PLCB4: variants seen among roughly 807,000 people sequenced by gnomAD.
PLCB4 encodes 1-phosphatidylinositol 4,5-bisphosphate phosphodiesterase beta-4.
PLCB4 carries 77 observed loss-of-function variants against 178.8 expected under a neutral mutation model. The ratio of observed to expected loss-of-function variants is 0.43; its 90% confidence interval spans 0.36 to 0.52. The LOEUF is 0.52. Ranked by LOEUF, PLCB4 falls within the 20% of genes least tolerant of loss-of-function variation. The pLI is 0.00. For synonymous variants in PLCB4, 496 were observed against 490.8 expected (o/e 1.01, Z -0.14); for missense variants, 1,024 against 1,453.4 (o/e 0.70, Z 4.80).
At chr20:9,369,867 C>A (rs1006119132) in intron 9 of PLCB4, among the ~76,000 whole-genome samples, 9 of 152,212 alleles carry the variant, frequency 5.9e-5, no homozygotes, top group African/African-American at 2.2e-4. Flanking sequence ...AAAAATCCTT[C>A]TGTGCTCACA....
intron 1 of PLCB4, among the ~76,000 whole-genome samples, chr20:9,071,437 G>A (rs1438586595): frequency 6.6e-6 from 1 of 152,084 alleles, no homozygotes; most frequent in East Asian, 1.9e-4. Context: ...CACCCTCTAA[G>A]TAAAATTGAG....
intron 7 of PLCB4, among the ~76,000 whole-genome samples, chr20:9,340,612 A>T (rs191025032): frequency 6.6e-6 from 1 of 152,252 alleles, no homozygotes; most frequent in East Asian, 1.9e-4. Context: ...CTCTTCTGAG[A>T]TCAACTCCTT....
chr20:9,408,549 G>A (rs2039622965), intron 22 of PLCB4, 84 bp from the exon 23 acceptor site: 1 of 660,658 alleles, frequency 1.5e-6, no homozygotes, highest in Non-Finnish European at 2.8e-6. Flanking sequence ...ATGATTCAGG[G>A]TGTAATTGCA....
intron 15 of PLCB4, among the ~76,000 whole-genome samples, chr20:9,389,612 A>G (rs928104244): frequency 1.3e-5 from 2 of 152,234 alleles, no homozygotes; most frequent in Non-Finnish European, 2.9e-5. Context: ...CTGGCATGCC[A>G]TTTAGGTGAA....
intron 14 of PLCB4, among the ~76,000 whole-genome samples, chr20:9,386,334 G>A (rs2037662856): frequency 6.6e-6 from 1 of 152,166 alleles, no homozygotes. Flanking sequence ...TTAGTTCTCT[G>A]AGAGTAGAAA....
intron 33 of PLCB4, among the ~76,000 whole-genome samples, chr20:9,457,123 A>G (rs2043104169): frequency 6.6e-6 from 1 of 152,218 alleles, no homozygotes; most frequent in Non-Finnish European, 1.5e-5. Context: ...AGTGAAAAAT[A>G]GCTTGAGAAA....
In PLCB4 at chr20:9,474,542, G is replaced by GCC. The variant is rs141348270; in HGVS notation, c.3495+1178_3495+1179dup. On this transcript the variant is annotated intron_variant, in intron 38 of 39. Transcript: ENST00000378473. ...AGGTTTTGATGAAATATGTACTTGT[G>GCC]CCACATTATTCCTTCCTGTTTTCTC... 9.5e-3 allele frequency among the ~76,000 whole-genome samples: 1,452 copies of GCC among 152,180 alleles called. 8 individuals carry two copies. The highest frequency in any genetic ancestry group is 0.016 in the Non-Finnish European group (1,059 of 68,004).
intron 30 of PLCB4, among the ~76,000 whole-genome samples, chr20:9,443,369 T>C (rs986097391): frequency 1.3e-5 from 2 of 152,210 alleles, no homozygotes; most frequent in Admixed American, 1.3e-4. Context: ...GGATAATAGA[T>C]ACTTTTGTGC....
intron 20 of PLCB4, among the ~76,000 whole-genome samples, chr20:9,402,997 T>G (rs2039153305): frequency 6.6e-6 from 1 of 152,216 alleles, no homozygotes. Flanking sequence ...TCTGTGTACC[T>G]TAGTTTCCTC....
chr20:9,345,724 G>T (rs2033729992), intron 7 of PLCB4, among the ~76,000 whole-genome samples: 1 of 152,244 alleles, frequency 6.6e-6, no homozygotes, highest in South Asian at 2.1e-4. Flanking sequence ...CATAAATTAT[G>T]CCTTGTAATC....
Position 9,401,586 on chromosome 20 carries a change from A to G in PLCB4, c.1607A>G (p.Lys536Arg), listed in dbSNP as rs1387215551. Residue 536 changes from lysine to arginine, a missense_variant, in exon 20 of 40, where the codon AAG (lysine) becomes AGG (arginine). Lys to Arg is a conservative substitution (Grantham distance 26). Coordinates refer to ENST00000378473, the MANE Select transcript of PLCB4 (RefSeq NM_001377142.1). ...AAGGAAGCTGTTGCAAATAGCGTCA[A>G]GAAGGTCAGAGTCCCCTTTCTTTCA... Reference protein sequence around the residue: ...GHKEAVANSVKKASDDLEHEN... With the variant: ...GHKEAVANSVRKASDDLEHEN... 13 of 1,598,356 alleles carry G rather than the reference A, an allele frequency of 8.1e-6. No homozygotes were observed. The Middle Eastern group carries it at 5.0e-4, about 61-fold the overall frequency.
chr20:9,245,273 T>G (rs978483288), intron 3 of PLCB4, among the ~76,000 whole-genome samples: 2 of 151,968 alleles, frequency 1.3e-5, no homozygotes, highest in Non-Finnish European at 2.9e-5. Context: ...TTTTGGGGAG[T>G]GAGGAAATAG....
At chr20:9,373,737 A>G (rs1229721732) in intron 12 of PLCB4, among the ~76,000 whole-genome samples, 1 of 151,562 alleles carries the variant, frequency 6.6e-6, no homozygotes, top group Non-Finnish European at 1.5e-5. Flanking sequence ...CTTAACAACC[A>G]AAACTGATAG....
intron 3 of PLCB4, among the ~76,000 whole-genome samples, chr20:9,267,788 A>T (rs943980838): frequency 2.0e-5 from 3 of 152,164 alleles, no homozygotes; most frequent in African/African-American, 7.2e-5. Flanking sequence ...TGCTTGATTC[A>T]TGATGGCCCT....
At chr20:9,426,374 CTGTT>C (rs1380041719) in intron 28 of PLCB4, among the ~76,000 whole-genome samples, 3 of 151,750 alleles carry the variant, frequency 2.0e-5, no homozygotes, top group African/African-American at 7.3e-5. Context: ...TCTTTTTTTC[CTGTT>C]TGTTTATTTA....
Position 9,453,338 on chromosome 20 carries a change from C to T in PLCB4, c.2881-9C>T, listed in dbSNP as rs757438180. 24 of 1,554,694 alleles carry T rather than the reference C, an allele frequency of 1.5e-5. No homozygotes were observed. The South Asian group carries it at 2.7e-4, about 17-fold the overall frequency. On this transcript the variant is annotated splice_polypyrimidine_tract_variant and intron_variant, in intron 32 of 39. Coordinates refer to ENST00000378473, the MANE Select transcript of PLCB4 (RefSeq NM_001377142.1). ...GTCCAATTCATAACTGCAAATCCTT[C>T]TTGTTCAGGAACACAGTACCATGCA...
At chr20:9,103,352 A>G (rs2091248862) in intron 2 of PLCB4, among the ~76,000 whole-genome samples, 1 of 152,218 alleles carries the variant, frequency 6.6e-6, no homozygotes. Context: ...TGATAAACCC[A>G]TTACATGTTA....
intron 3 of PLCB4, among the ~76,000 whole-genome samples, chr20:9,277,462 A>G (rs1405947887): frequency 6.6e-6 from 1 of 152,002 alleles, no homozygotes; most frequent in African/African-American, 2.4e-5. Context: ...CTGCTTGGGT[A>G]TATGGGTAGG....
rs1179725270 is a variant in PLCB4, at chr20:9,449,712, G to A, written c.2881-3635G>A. Among the ~76,000 whole-genome samples, 6 of 152,276 alleles carry A rather than the reference G, an allele frequency of 3.9e-5. No homozygotes were observed. In the South Asian group the frequency reaches 1.0e-3, roughly 26 times the overall value. On this transcript the variant is annotated intron_variant, in intron 32 of 39. Transcript: ENST00000378473. The stretch of plus-strand genomic sequence containing the variant: ...ATGAGTCAAATGAAATGCCTGAGAA[G>A]CCTACTAAACTCTGGCATTTTTAGT...
Sources: allele counts gnomAD v4.1 joint callset (sites outside exome capture counted in the v4.1 genomes callset), GRCh38; gene constraint gnomAD v4.1.1; transcripts MANE v1.5; gene names NCBI Gene and HGNC (gene_info 2026-07-23, HGNC 2026-07-21).